Variants in CEP128 observed in about 807,000 individuals in gnomAD.
CEP128 encodes centrosomal protein 128.
In CEP128, 132 loss-of-function variants were observed where a neutral mutation model predicts 156.7. The observed-to-expected ratio is 0.84, with a 90% CI of 0.73 to 0.97. CEP128 has a LOEUF of 0.97. Among genes scored for constraint, CEP128 ranks in the 50% least tolerant of loss-of-function variants. The pLI is 0.00. For synonymous variants in CEP128, 469 were observed against 448.9 expected (o/e 1.04, Z -0.57); for missense variants, 1,252 against 1,281.9 (o/e 0.98, Z 0.36).
At chr14:80,673,026 C>A (rs1173156531) in intron 19 of CEP128, among the ~76,000 whole-genome samples, 2 of 152,078 alleles carry the variant, frequency 1.3e-5, no homozygotes, top group Non-Finnish European at 2.9e-5. Context: ...TTAGAAATCA[C>A]CTTAGAAAAG....
chr14:80,851,491 T>C (rs913138547), intron 9 of CEP128, among the ~76,000 whole-genome samples: 1 of 151,996 alleles, frequency 6.6e-6, no homozygotes, highest in African/African-American at 2.4e-5. Flanking sequence ...AACATAGATA[T>C]CTTAGACTAA....
intron 19 of CEP128, among the ~76,000 whole-genome samples, chr14:80,657,361 T>C (rs1895218809): frequency 6.6e-6 from 1 of 152,100 alleles, no homozygotes; most frequent in South Asian, 2.1e-4. Context: ...AGATTAAAAC[T>C]TCTCAGGGGG....
At chr14:80,569,171 A>G (rs555420244) in intron 20 of CEP128, among the ~76,000 whole-genome samples, 6 of 152,188 alleles carry the variant, frequency 3.9e-5, no homozygotes, top group Non-Finnish European at 7.4e-5. Flanking sequence ...ATTTCAAACA[A>G]ATTTCTAAAT....
At chr14:80,831,632 AAG>A (rs1185723845) in intron 12 of CEP128, among the ~76,000 whole-genome samples, 6 of 151,972 alleles carry the variant, frequency 3.9e-5, no homozygotes, top group African/African-American at 7.2e-5. Context: ...AAAATACAAA[AAG>A]AGTTTTCAAC....
intron 3 of CEP128, 55 bp from the exon 4 acceptor site, chr14:80,914,463 C>A: frequency 7.6e-7 from 1 of 1,323,050 alleles, no homozygotes; most frequent in South Asian, 1.2e-5. Flanking sequence ...TTTTCCTAAT[C>A]AATCTTAGTA....
chr14:80,758,247 C>T (rs1355676295), intron 17 of CEP128, among the ~76,000 whole-genome samples: 2 of 152,186 alleles, frequency 1.3e-5, no homozygotes, highest in Non-Finnish European at 2.9e-5. Flanking sequence ...ACCTGCCAGG[C>T]ATGGTGGCTC....
chr14:80,701,564 C>A (rs1452123409), intron 19 of CEP128, among the ~76,000 whole-genome samples: 1 of 152,086 alleles, frequency 6.6e-6, no homozygotes, highest in East Asian at 1.9e-4. Flanking sequence ...AAGCTGTCCT[C>A]TTCCTGGGCA....
chr14:80,724,962 A>T (rs562240557), intron 19 of CEP128, among the ~76,000 whole-genome samples: 11 of 147,524 alleles, frequency 7.5e-5, no homozygotes, highest in Non-Finnish European at 1.5e-4. Flanking sequence ...TTTATATATA[A>T]TATATATCAT....
intron 19 of CEP128, among the ~76,000 whole-genome samples, chr14:80,627,444 A>G (rs559719264): frequency 1.6e-4 from 25 of 152,338 alleles, no homozygotes; most frequent in African/African-American, 5.8e-4. Context: ...TGAAGTGTCC[A>G]CCTATGTACA....
chr14:80,739,451 G>A (rs182988683), intron 19 of CEP128, among the ~76,000 whole-genome samples: 141 of 152,150 alleles, frequency 9.3e-4, no homozygotes, highest in African/African-American at 3.3e-3. Context: ...GTATCTTCCA[G>A]GATCCTGCTA....
intron 14 of CEP128, among the ~76,000 whole-genome samples, chr14:80,790,311 T>C (rs1901636861): frequency 6.6e-6 from 1 of 152,082 alleles, no homozygotes; most frequent in Non-Finnish European, 1.5e-5. Flanking sequence ...AATGGAAACA[T>C]TCAGAAAAGC....
At chr14:80,530,281 T>C (rs1889166592) in intron 22 of CEP128, among the ~76,000 whole-genome samples, 2 of 152,230 alleles carry the variant, frequency 1.3e-5, no homozygotes, top group Non-Finnish European at 2.9e-5. Flanking sequence ...AACTACACAA[T>C]GTAAATTAAC....
At chr14:80,556,120 A>G (rs1890425781) in intron 21 of CEP128, among the ~76,000 whole-genome samples, 1 of 152,046 alleles carries the variant, frequency 6.6e-6, no homozygotes, top group Non-Finnish European at 1.5e-5. Context: ...TTTCCCATGT[A>G]ATCACTTAGC....
intron 19 of CEP128, among the ~76,000 whole-genome samples, chr14:80,656,282 TATATATATTTATATATA>T (rs1566837795): frequency 0.046 from 340 of 7,322 alleles, 16 homozygotes; most frequent in African/African-American, 0.24. Context: ...TTTTTATTTA[TATATATATTTATATATA>T]TATATATATA....
At chr14:80,934,676 T>C (rs1274805661) in intron 2 of CEP128, among the ~76,000 whole-genome samples, 1 of 152,170 alleles carries the variant, frequency 6.6e-6, no homozygotes, top group Non-Finnish European at 1.5e-5. Context: ...TAGTCCCTTT[T>C]TTGCAAATGA....
At chr14:80,780,034 C>A (rs1901020457) in intron 15 of CEP128, among the ~76,000 whole-genome samples, 1 of 151,946 alleles carries the variant, frequency 6.6e-6, no homozygotes, top group Non-Finnish European at 1.5e-5. Context: ...AGGTAATAGA[C>A]CAATATCCTG....
chr14:80,506,266 G>A (rs1887965712), intron 23 of CEP128, among the ~76,000 whole-genome samples: 1 of 151,600 alleles, frequency 6.6e-6, no homozygotes, highest in African/African-American at 2.4e-5. Flanking sequence ...AGACCCCACA[G>A]CTTAGGTACA....
chr14:80,937,640 A>G (rs1885883901), intron 2 of CEP128, among the ~76,000 whole-genome samples: 1 of 152,172 alleles, frequency 6.6e-6, no homozygotes, highest in Non-Finnish European at 1.5e-5. Flanking sequence ...GACAAGGTTG[A>G]ATGGTAAGTG....
chr14:80,595,210 C>T (rs555549917), intron 19 of CEP128, among the ~76,000 whole-genome samples: 1 of 152,244 alleles, frequency 6.6e-6, no homozygotes, highest in South Asian at 2.1e-4. Context: ...TCTCAGCAAA[C>T]TAACACAGGA....
Sources: allele counts gnomAD v4.1 joint callset (sites outside exome capture counted in the v4.1 genomes callset), GRCh38; gene constraint gnomAD v4.1.1; transcripts MANE v1.5; gene names NCBI Gene and HGNC (gene_info 2026-07-23, HGNC 2026-07-21).